SOX5: variants seen among roughly 807,000 people sequenced by gnomAD.
SOX5 encodes the protein transcription factor SOX-5.
SOX5 carries 9 observed loss-of-function variants against 92.0 expected under a neutral mutation model. The observed-to-expected ratio is 0.10, with a 90% CI of 0.06 to 0.17. SOX5 has a LOEUF of 0.17. SOX5 is among the 10% of genes least tolerant of loss of function. SOX5 has a pLI of 1.00. For missense variants in SOX5, 642 were observed against 944.5 expected, an observed-to-expected ratio of 0.68 and a Z score of 4.20; for synonymous variants, 344 against 336.3, an observed-to-expected ratio of 1.02 and a Z score of -0.25.
At chr12:24,275,734 G>A (rs1944363384) in intron 3 of SOX5, among the ~76,000 whole-genome samples, 1 of 152,066 alleles carries the variant, frequency 6.6e-6, no homozygotes, top group Non-Finnish European at 1.5e-5. Flanking sequence ...CTAATAGCAT[G>A]GGAATGTTAC....
chr12:23,704,687 C>CATATATATATATATATATATAT (rs376550773), intron 6 of SOX5, among the ~76,000 whole-genome samples: 142 of 90,062 alleles, frequency 1.6e-3, no homozygotes, highest in Non-Finnish European at 2.1e-3. Context: ...TATATGCATG[C>CATATATATATATATATATATAT]ATATATATAT....
At chr12:24,536,354 T>C (rs570714276) in intron 1 of SOX5, among the ~76,000 whole-genome samples, 43 of 152,150 alleles carry the variant, frequency 2.8e-4, no homozygotes, top group Non-Finnish European at 5.6e-4. Context: ...TAGAGAGAGA[T>C]GTCGGGATCA....
At chr12:24,392,940 G>A (rs375252889) in intron 1 of SOX5, among the ~76,000 whole-genome samples, 1 of 152,130 alleles carries the variant, frequency 6.6e-6, no homozygotes, top group Admixed American at 6.5e-5. Flanking sequence ...GGGCCCCCAT[G>A]TGAGAGCCTA....
chr12:23,587,779 T>A (rs1281272678), intron 9 of SOX5, among the ~76,000 whole-genome samples: 1 of 152,100 alleles, frequency 6.6e-6, no homozygotes, highest in African/African-American at 2.4e-5. Context: ...ACATGTCAAT[T>A]TATATACATC....
rs561218729 is a variant in SOX5, at chr12:23,640,491, GT to G, written c.1017+320del. On this transcript the variant is annotated intron_variant, in intron 8 of 14. Coordinates refer to ENST00000451604, the MANE Select transcript of SOX5 (RefSeq NM_006940.6). ...CAAGTGTCTGAATATCTTTTGCAGG[GT>G]TTTTTGTTCTTTTTACCTTGATAAG... Among the ~76,000 whole-genome samples, 180 of 152,124 alleles carry G rather than the reference GT, an allele frequency of 1.2e-3. 1 individual carries two copies. Among genetic ancestry groups the G allele is most frequent in the African/African-American group, 3.4e-3 (143 of 41,476 alleles).
At position 23,690,785 on chromosome 12, in the gene SOX5, A is replaced by C. The variant is rs866430661; in HGVS notation, c.811-25221T>G. Among the ~76,000 whole-genome samples the C allele has an allele frequency of 2.0e-4, 30 of 152,164 alleles. 1 individual carries two copies. The highest frequency in any genetic ancestry group is 4.6e-4 in the Admixed American group (7 of 15,264). ...AGATTCACATTTCCTTACACACACC[A>C]GCTTGACAGGATCTCAATGGCTTTC... is the stretch of plus-strand genomic sequence containing the variant. On this transcript the variant is annotated intron_variant, in intron 6 of 14. Transcript: ENST00000451604.
intron 4 of SOX5, among the ~76,000 whole-genome samples, chr12:24,028,831 T>C (rs1222507126): frequency 3.3e-5 from 5 of 151,964 alleles, no homozygotes; most frequent in Admixed American, 3.3e-4. Context: ...ATACACTAAT[T>C]AGTAGCAAAC....
At chr12:23,715,081 C>T (rs1225780679) in intron 6 of SOX5, among the ~76,000 whole-genome samples, 1 of 151,920 alleles carries the variant, frequency 6.6e-6, no homozygotes, top group South Asian at 2.1e-4. Flanking sequence ...GGGCGGATCA[C>T]GAGGTCAGGA....
chr12:24,527,538 G>A (rs1950824344), intron 1 of SOX5, among the ~76,000 whole-genome samples: 3 of 152,092 alleles, frequency 2.0e-5, no homozygotes, highest in African/African-American at 7.2e-5. Context: ...ACAACAATTC[G>A]GTTTTCAAAG....
At chr12:24,069,027 C>T (rs1201170815) in intron 4 of SOX5, among the ~76,000 whole-genome samples, 2 of 150,832 alleles carry the variant, frequency 1.3e-5, no homozygotes, top group Non-Finnish European at 3.0e-5. Flanking sequence ...CTCAGCAATT[C>T]AGAAATATCT....
chr12:23,601,035 A>G (rs1305594081), intron 9 of SOX5, among the ~76,000 whole-genome samples: 3 of 152,164 alleles, frequency 2.0e-5, no homozygotes, highest in African/African-American at 7.2e-5. Context: ...AGGAATGCTA[A>G]GTGAAATCAA....
intron 2 of SOX5, among the ~76,000 whole-genome samples, chr12:24,331,080 G>T (rs1277155568): frequency 6.6e-6 from 1 of 152,104 alleles, no homozygotes; most frequent in Non-Finnish European, 1.5e-5. Context: ...GAAAACAGGG[G>T]TACTCATGGA....
chr12:24,506,822 G>T (rs185275894), intron 1 of SOX5, among the ~76,000 whole-genome samples: 1 of 98,620 alleles, frequency 1.0e-5, no homozygotes, highest in African/African-American at 4.1e-5. Flanking sequence ...CGGGAGTCTC[G>T]CTCTGTCGCC....
intron 1 of SOX5, among the ~76,000 whole-genome samples, chr12:24,492,641 TC>T (rs1319123166): frequency 6.6e-6 from 1 of 152,186 alleles, no homozygotes; most frequent in Non-Finnish European, 1.5e-5. Flanking sequence ...CTTGAGGCCA[TC>T]TTGTCATTGG....
intron 1 of SOX5, among the ~76,000 whole-genome samples, chr12:24,516,210 T>C (rs1014369738): frequency 6.6e-6 from 1 of 151,914 alleles, no homozygotes; most frequent in Non-Finnish European, 1.5e-5. Context: ...GCCTGGCTAA[T>C]TTTTAAAAAT....
At position 24,526,031 on chromosome 12, in the gene SOX5, C is replaced by T. The variant is rs116816153; in HGVS notation, c.-251+36298G>A. On this transcript the variant is annotated intron_variant, in intron 1 of 4. Coordinates refer to the SOX5 transcript ENST00000446891. ...GACCACAAGCACGCACCACCATGCCCGGCTAACTTTTGTACTTTCTGTAGA... is the reference window on the plus strand; with the variant it reads ...GACCACAAGCACGCACCACCATGCCTGGCTAACTTTTGTACTTTCTGTAGA... Among the ~76,000 whole-genome samples the T allele has an allele frequency of 2.7e-3, 405 of 152,042 alleles. 2 individuals carry two copies. Among genetic ancestry groups the T allele is most frequent in the African/African-American group, 9.0e-3 (372 of 41,496 alleles).
chr12:23,802,938 C>G (rs1420651137), intron 3 of SOX5, among the ~76,000 whole-genome samples: 1 of 152,146 alleles, frequency 6.6e-6, no homozygotes, highest in Non-Finnish European at 1.5e-5. Flanking sequence ...CATTGCTACT[C>G]CCGCCCCTCT....
chr12:24,159,320 C>T (rs780515339), intron 4 of SOX5, among the ~76,000 whole-genome samples: 1 of 151,928 alleles, frequency 6.6e-6, no homozygotes, highest in Non-Finnish European at 1.5e-5. Context: ...CTTCTGTCTC[C>T]TTGGATTTTT....
At chr12:23,827,195 T>G (rs1425035953) in intron 3 of SOX5, among the ~76,000 whole-genome samples, 1 of 152,224 alleles carries the variant, frequency 6.6e-6, no homozygotes, top group East Asian at 1.9e-4. Context: ...TGCTTCTAAT[T>G]AAAAAGTTTA....
Sources: allele counts gnomAD v4.1 joint callset (sites outside exome capture counted in the v4.1 genomes callset), GRCh38; gene constraint gnomAD v4.1.1; transcripts MANE v1.5; gene names NCBI Gene and HGNC (gene_info 2026-07-23, HGNC 2026-07-21).